BTNL9: variants seen among roughly 807,000 people sequenced by gnomAD.
BTNL9 encodes the protein butyrophilin like 9.
In BTNL9, 45 loss-of-function variants were observed where a neutral mutation model predicts 45.8. That is an observed-to-expected ratio of 0.98 (90% CI 0.77 to 1.26). The LOEUF is 1.26. Ranked by LOEUF, BTNL9 falls within the 50% of genes most tolerant of loss-of-function variation. BTNL9 has a pLI of 0.00. For missense variants in BTNL9, 784 were observed against 729.7 expected, an observed-to-expected ratio of 1.07 and a Z score of -0.86; for synonymous variants, 346 against 330.8, an observed-to-expected ratio of 1.05 and a Z score of -0.50.
Position 181,050,089 on chromosome 5 carries a change from G to T in BTNL9, c.456G>T (p.Gly152=). Residue 152 remains glycine (G), a splice_region_variant and synonymous_variant, in exon 4 of 11, where the codon GGG becomes GGT. Transcript: ENST00000327705. This position sits in a 1 kb window ranked among gnomAD's most constrained non-coding sequence, Gnocchi z 4.9. ...TCCCACTCCTCCTGCCTCCACCAGG[G>T]CTGGGCTCAGACCCTCACCTCTCCC... The part of the protein sequence containing the change: ...GEALWELEVA[G]LGSDPHLSLE... 2 of 1,612,660 alleles carry T rather than the reference G, an allele frequency of 1.2e-6. No homozygotes were observed. Among genetic ancestry groups the T allele is most frequent in the Non-Finnish European group, 1.7e-6 (2 of 1,179,208 alleles).
At chr5:181,051,953 G>A (rs572307469) in intron 4 of BTNL9, among the ~76,000 whole-genome samples, 14 of 152,264 alleles carry the variant, frequency 9.2e-5, no homozygotes, top group African/African-American at 3.4e-4. Flanking sequence ...TCTGGTGGCG[G>A]GAAGGGCAAA....
rs373481901 is a variant in BTNL9 at position 181,045,627 on chromosome 5, G to A, written c.109+29G>A. 74 of 1,560,166 alleles carry A rather than the reference G, an allele frequency of 4.7e-5. No homozygotes were observed. The African/African-American group carries it at 9.1e-4, about 19-fold the overall frequency. On this transcript the variant is annotated intron_variant, in intron 2 of 10. Transcript: ENST00000327705. ...TTGTGTCTGCAGCCTAGCTGGCCAG[G>A]ATGTGAACGCCACCCCTCCTGCCAG... is the stretch of plus-strand genomic sequence containing the variant.
At chr5:181,057,913 T>C (rs1257301360) in intron 9 of BTNL9, among the ~76,000 whole-genome samples, 1 of 152,210 alleles carries the variant, frequency 6.6e-6, no homozygotes, top group Non-Finnish European at 1.5e-5. Flanking sequence ...TCCACTCAGA[T>C]TGATTCACAT....
Position 181,059,474 on chromosome 5 carries a change from G to C in BTNL9, c.1220G>C (p.Arg407Pro), listed in dbSNP as rs746641215. The C allele has an allele frequency of 1.2e-5, 18 of 1,445,838 alleles. No individual in the cohort carries two copies. The highest frequency in any genetic ancestry group is 1.6e-5 in the Non-Finnish European group (18 of 1,107,032). The allele number at this position is 1,445,838 out of a possible 1,614,324, so 89.6% of individuals were successfully genotyped here. A position where few individuals can be genotyped will look rare whatever the true frequency, so the allele number is the denominator to read the frequency against. The change falls in exon 11 of 11, where the codon CGC (arginine) becomes CCC (proline). Residue 407 changes from arginine (R) to proline (P), a missense_variant. Arg to Pro is a moderately radical substitution (Grantham distance 103, BLOSUM62 -2). Coordinates refer to ENST00000327705, the MANE Select transcript of BTNL9 (RefSeq NM_152547.5). Reference protein sequence around the residue: ...FLGACLAAVPRAGPARLSPAA... With the variant: ...FLGACLAAVPPAGPARLSPAA... ...GGCGCCTGCCTGGCCGCGGTGCCGC[G>C]CGCGGGGCCTGCGCGCCTGAGCCCT... is the stretch of plus-strand genomic sequence containing the variant.
rs1354937835 is a variant in BTNL9, at chr5:181,045,467, G to A, written c.-23G>A. ...CCAGCACCCCTTTGTCCCTCTCCAG[G>A]TGGCCCCCACTGCTGACGAGAGATG... On this transcript the variant is annotated splice_region_variant and 5_prime_UTR_variant, in exon 2 of 11. The change creates a new upstream start codon in the 5' untranslated region. Transcript: ENST00000327705. 7 of 1,518,620 alleles carry A rather than the reference G, an allele frequency of 4.6e-6. No homozygotes were observed. The highest frequency in any genetic ancestry group is 6.4e-6 in the Non-Finnish European group (7 of 1,093,722). 94.1% of individuals were successfully genotyped at this position (1,518,620 alleles called of 1,614,324 possible). A position where few individuals can be genotyped will look rare whatever the true frequency, so the allele number is the denominator to read the frequency against.
chr5:181,057,008 C>CTGTGTG lies in BTNL9; in HGVS notation c.955+1024_955+1029dup, dbSNP rs55829278. The CTGTGTG allele has an allele frequency of 6.4e-4, 103 of 161,642 alleles. 1 individual carries two copies. The highest frequency in any genetic ancestry group is 1.8e-3 in the East Asian group (10 of 5,618). The allele number at this position is 161,642 out of a possible 1,614,324, so 10.0% of individuals were successfully genotyped here. A position where few individuals can be genotyped will look rare whatever the true frequency, so the allele number is the denominator to read the frequency against. ...TATTATTAACAGGAATATTATATAT[C>CTGTGTG]TGTGTGTGTGTGTGTGTGTGTGTGT... is the stretch of plus-strand genomic sequence containing the variant. On this transcript the variant is annotated intron_variant, in intron 9 of 10. Transcript: ENST00000327705.
At chr5:181,058,065 C>G (rs1245072806) in intron 9 of BTNL9, among the ~76,000 whole-genome samples, 1 of 152,172 alleles carries the variant, frequency 6.6e-6, no homozygotes. Flanking sequence ...ATCCAGGCTG[C>G]TTATAGAGTC....
chr5:181,059,512 T>A lies in BTNL9; in HGVS notation c.1258T>A (p.Trp420Arg). Residue 420 changes from tryptophan to arginine, a missense_variant, in exon 11 of 11, where the codon TGG becomes AGG. Trp to Arg is a moderately radical substitution (Grantham distance 101). Coordinates refer to ENST00000327705, the MANE Select transcript of BTNL9 (RefSeq NM_152547.5). ...PARLSPAAGY[W>R]VLGLWNGCEY... ...GCGCCTGAGCCCTGCGGCCGGCTAC[T>A]GGGTGCTGGGGCTGTGGAACGGCTG... 6.3e-7 allele frequency: 1 copy of A among 1,595,958 alleles called. No homozygotes were observed.
chr5:181,053,628 G>T lies in BTNL9; in HGVS notation c.886+127G>T. On this transcript the variant is annotated intron_variant, in intron 6 of 10. Transcript: ENST00000327705. This position sits in a 1 kb window ranked among gnomAD's most constrained non-coding sequence, Gnocchi z 6.5. ...GGTGTCAGGGCGGCCACCGGGGAAC[G>T]GGGATCGGTGACCCCGGTGGGGAAG... 1 of 1,544,960 alleles carries T rather than the reference G, an allele frequency of 6.5e-7. No individual in the cohort carries two copies. Among genetic ancestry groups the T allele is most frequent in the South Asian group, 1.2e-5 (1 of 83,650 alleles).
At chr5:181,046,823 A>C (rs2113173852) in intron 2 of BTNL9, among the ~76,000 whole-genome samples, 1 of 152,290 alleles carries the variant, frequency 6.6e-6, no homozygotes, top group Admixed American at 6.5e-5. Flanking sequence ...GTTGGAGCAG[A>C]GGCTTACAGG....
At chr5:181,045,665 G>T in intron 2 of BTNL9, 67 bp downstream of exon 2, 8 of 1,281,536 alleles carry the variant, frequency 6.2e-6, no homozygotes, top group Non-Finnish European at 9.1e-6. Context: ...GCTCCCCAGG[G>T]CTACGATCTT....
intron 4 of BTNL9, among the ~76,000 whole-genome samples, chr5:181,051,934 G>A (rs1761562837): frequency 6.6e-6 from 1 of 152,098 alleles, no homozygotes; most frequent in Admixed American, 6.6e-5. Context: ...GATACCTTTG[G>A]GAAGGCATTC....
chr5:181,059,511 CTGGGTGCTGGGGCT>C lies in BTNL9; in HGVS notation c.1258_1271del (p.Trp420ValfsTer84). On this transcript the variant is annotated frameshift_variant, in exon 11 of 11. Transcript: ENST00000327705. LOFTEE classifies it low-confidence loss of function (END_TRUNC). ...CGCGCCTGAGCCCTGCGGCCGGCTA[CTGGGTGCTGGGGCT>C]GTGGAACGGCTGCGAGTACTTCGTC... The C allele has an allele frequency of 6.3e-7, 1 of 1,595,210 alleles. No homozygotes were observed. Among genetic ancestry groups the C allele is most frequent in the East Asian group, 2.3e-5 (1 of 44,260 alleles).
At position 181,056,001 on chromosome 5, in the gene BTNL9, C is replaced by T; in HGVS notation, c.941C>T (p.Ala314Val). The change falls in exon 9 of 11, where the codon GCT becomes GTT. Residue 314 changes from alanine to valine, a missense_variant. Ala to Val is a moderately conservative substitution (Grantham distance 64, BLOSUM62 0). Transcript: ENST00000327705. ...KLQTELDWRR[A>V]EGQAEWRAAQ... ...TTGGTTGCTTCAGACTGGAGACGGG[C>T]TGAAGGCCAGGCTGGTGAGTGGAAC... 11 of 1,614,144 alleles carry T rather than the reference C, an allele frequency of 6.8e-6. No homozygotes were observed. Among genetic ancestry groups the T allele is most frequent in the Non-Finnish European group, 9.3e-6 (11 of 1,180,016 alleles).
chr5:181,060,177 A>T lies in BTNL9; in HGVS notation c.*315A>T. On this transcript the variant is annotated 3_prime_UTR_variant, in exon 11 of 11. Coordinates refer to ENST00000327705, the MANE Select transcript of BTNL9 (RefSeq NM_152547.5). ...CAGCATGGAAGAAAGAAGGGAGAAA[A>T]CTTTGGTGACTGCCTTAGAGGGATC... 5.2e-6 allele frequency: 2 copies of T among 385,882 alleles called. No individual in the cohort carries two copies. Among genetic ancestry groups the T allele is most frequent in the Admixed American group, 4.3e-5 (1 of 23,472 alleles). 23.9% of individuals were successfully genotyped at this position (385,882 alleles called of 1,614,324 possible).
At chr5:181,051,816 CTTAATTTATA>C (rs1212812831) in intron 4 of BTNL9, among the ~76,000 whole-genome samples, 2 of 152,056 alleles carry the variant, frequency 1.3e-5, no homozygotes, top group Non-Finnish European at 2.9e-5. Context: ...TAATATAAAT[CTTAATTTATA>C]TTATTGATAT....
rs112262574 is a variant in BTNL9 at position 181,055,303 on chromosome 5, TA to T, written c.908-117del. ...CAATGAAGGGGCAAAGAGGAAGCTG[TA>T]AAAAAAAAAAAATGAAGCTGTGATT... On this transcript the variant is annotated intron_variant, in intron 7 of 10. Transcript: ENST00000327705. This position sits in a 1 kb window ranked among gnomAD's most constrained non-coding sequence, Gnocchi z 4.4. 86,805 of 1,002,510 alleles carry T rather than the reference TA, an allele frequency of 0.087. 59 individuals carry two copies. Among genetic ancestry groups the T allele is most frequent in the South Asian group, 0.15 (8,097 of 53,224 alleles). 62.1% of individuals were successfully genotyped at this position (1,002,510 alleles called of 1,614,324 possible). A position where few individuals can be genotyped will look rare whatever the true frequency, so the allele number is the denominator to read the frequency against.
In BTNL9 at chr5:181,043,000, C is replaced by T. The variant is rs1182549430; in HGVS notation, c.-23-2467C>T. Among the ~76,000 whole-genome samples, 2 of 152,102 alleles carry T rather than the reference C, an allele frequency of 1.3e-5. No individual in the cohort carries two copies. Among genetic ancestry groups the T allele is most frequent in the African/African-American group, 4.8e-5 (2 of 41,400 alleles). On this transcript the variant is annotated intron_variant, in intron 1 of 10. Transcript: ENST00000327705. The surrounding 1 kb of genome is among the most constrained non-coding windows in gnomAD (Gnocchi z 4.5). ...CTCTGGAACCAGACAGTGGGTGGAACCCCACCCCACCACTCACCCACTGTG... is the reference window on the plus strand; with the variant it reads ...CTCTGGAACCAGACAGTGGGTGGAATCCCACCCCACCACTCACCCACTGTG...
chr5:181,052,029 G>A (rs1021130217), intron 4 of BTNL9, among the ~76,000 whole-genome samples: 4 of 151,948 alleles, frequency 2.6e-5, no homozygotes, highest in African/African-American at 9.7e-5. Context: ...AGGGTCGAGG[G>A]GGAGGGTCAC....
Sources: allele counts gnomAD v4.1 joint callset (sites outside exome capture counted in the v4.1 genomes callset), GRCh38; gene constraint gnomAD v4.1.1; non-coding constraint Gnocchi (gnomAD v3.1); transcripts MANE v1.5; gene names NCBI Gene and HGNC (gene_info 2026-07-23, HGNC 2026-07-21).